CYYR1: variants seen among roughly 807,000 people sequenced by gnomAD.
CYYR1 encodes the protein cysteine and tyrosine-rich protein 1.
A neutral mutation model predicts 15.2 loss-of-function variants in CYYR1; 14 were observed. The ratio of observed to expected loss-of-function variants is 0.92; its 90% confidence interval spans 0.61 to 1.44. The LOEUF is 1.44. CYYR1 is among the 40% of genes most tolerant of loss of function. The pLI, the probability that CYYR1 is intolerant of heterozygous loss-of-function variation, is 0.00. For missense variants in CYYR1, 228 were observed against 209.5 expected (o/e 1.09, Z -0.54); for synonymous variants, 80 against 77.4 (o/e 1.03, Z -0.18).
intron 2 of CYYR1, among the ~76,000 whole-genome samples, chr21:26,486,849 G>A (rs908567759): frequency 5.3e-5 from 8 of 151,796 alleles, no homozygotes; most frequent in African/African-American, 1.9e-4. Flanking sequence ...ATCTTGATGT[G>A]GTTTTACTAT....
chr21:26,526,222 T>C lies in CYYR1; in HGVS notation c.176+40044A>G, dbSNP rs147888907. ...TAGCACTTTGGGAGGCAAAGGTGGGTGGACCACTTAAGGTCAGGAGTTCGA... is the reference window on the plus strand; with the variant it reads ...TAGCACTTTGGGAGGCAAAGGTGGGCGGACCACTTAAGGTCAGGAGTTCGA... On this transcript the variant is annotated intron_variant, in intron 2 of 3. Coordinates refer to ENST00000652641, the MANE Select transcript of CYYR1 (RefSeq NM_001320768.2). Among the ~76,000 whole-genome samples the C allele has an allele frequency of 5.8e-3, 885 of 152,206 alleles. 8 individuals are homozygous for C. Among genetic ancestry groups the C allele is most frequent in the Non-Finnish European group, 8.3e-3 (562 of 67,998 alleles).
At chr21:26,532,064 GA>G (rs1035722160) in intron 2 of CYYR1, among the ~76,000 whole-genome samples, 1 of 151,890 alleles carries the variant, frequency 6.6e-6, no homozygotes, top group African/African-American at 2.4e-5. Flanking sequence ...TGTAAAGCGA[GA>G]AAAAAAGAAT....
At chr21:26,508,088 C>T (rs1253669864) in intron 2 of CYYR1, among the ~76,000 whole-genome samples, 1 of 152,086 alleles carries the variant, frequency 6.6e-6, no homozygotes, top group Admixed American at 6.6e-5. Context: ...AGGCTGAAAG[C>T]AAGAGAAAGT....
At chr21:26,479,074 A>G (rs1316681483) in intron 3 of CYYR1, among the ~76,000 whole-genome samples, 1 of 152,138 alleles carries the variant, frequency 6.6e-6, no homozygotes, top group East Asian at 1.9e-4. Context: ...CTGGAGATAC[A>G]TGGGAGGCAT....
chr21:26,536,703 C>T (rs1434080665), intron 2 of CYYR1, among the ~76,000 whole-genome samples: 1 of 152,082 alleles, frequency 6.6e-6, no homozygotes, highest in Non-Finnish European at 1.5e-5. Context: ...CCTGAGACAC[C>T]GGATTGGAAA....
intron 2 of CYYR1, among the ~76,000 whole-genome samples, chr21:26,492,904 G>A (rs1385583968): frequency 2.6e-5 from 4 of 151,984 alleles, no homozygotes; most frequent in East Asian, 1.9e-4. Context: ...CAGAGAGGAC[G>A]GCATCTATCA....
intron 3 of CYYR1, among the ~76,000 whole-genome samples, chr21:26,475,170 AC>A (rs1247011348): frequency 6.6e-6 from 1 of 152,110 alleles, no homozygotes; most frequent in Non-Finnish European, 1.5e-5. Flanking sequence ...TAGACATTTC[AC>A]ACTCTTCATT....
chr21:26,567,887 T>C (rs971009244), intron 1 of CYYR1: 2 of 152,360 alleles, frequency 1.3e-5, no homozygotes, highest in Admixed American at 1.3e-4. Context: ...TTAACAATTA[T>C]GCGTGGCTTT....
In CYYR1 at chr21:26,518,872, G is replaced by A. The variant is rs184695550; in HGVS notation, c.177-38443C>T. Among the ~76,000 whole-genome samples the A allele has an allele frequency of 3.9e-5, 6 of 152,290 alleles. 1 individual carries two copies. The highest frequency in any genetic ancestry group is 1.4e-4 in the African/African-American group (6 of 41,544). On this transcript the variant is annotated intron_variant, in intron 2 of 3. Coordinates refer to ENST00000652641, the MANE Select transcript of CYYR1 (RefSeq NM_001320768.2). ...TCACAATGAGTTCTGAAATTAGGCAGTAATTTACATTTTTGGAGTATCACT... is the reference window on the plus strand; with the variant it reads ...TCACAATGAGTTCTGAAATTAGGCAATAATTTACATTTTTGGAGTATCACT...
At chr21:26,567,542 G>A (rs1028999008) in intron 1 of CYYR1, among the ~76,000 whole-genome samples, 6 of 151,998 alleles carry the variant, frequency 3.9e-5, no homozygotes, top group Non-Finnish European at 8.8e-5. Context: ...TGACTTAGTC[G>A]TATAAGTTAT....
chr21:26,517,273 G>A (rs554911867), intron 2 of CYYR1, among the ~76,000 whole-genome samples: 1 of 152,162 alleles, frequency 6.6e-6, no homozygotes, highest in African/African-American at 2.4e-5. Context: ...AGTCAAGCCT[G>A]TCCTTCTGCA....
chr21:26,481,820 A>T (rs1187203112), intron 2 of CYYR1, among the ~76,000 whole-genome samples: 2 of 152,004 alleles, frequency 1.3e-5, no homozygotes, highest in African/African-American at 4.8e-5. Context: ...ATTAGTATTG[A>T]TAGTAATTAG....
chr21:26,469,869 A>C (rs2065013757), intron 3 of CYYR1, among the ~76,000 whole-genome samples: 2 of 152,122 alleles, frequency 1.3e-5, no homozygotes, highest in Admixed American at 6.6e-5. Flanking sequence ...TAGTGGTTTC[A>C]GTTCCTTTCT....
intron 1 of CYYR1, among the ~76,000 whole-genome samples, chr21:26,571,178 C>T (rs187163978): frequency 4.6e-5 from 7 of 152,324 alleles, no homozygotes; most frequent in Middle Eastern, 3.4e-3. Context: ...CAACATACCT[C>T]ACTCAGTAAG....
chr21:26,532,430 G>T (rs2065943960), intron 2 of CYYR1, among the ~76,000 whole-genome samples: 1 of 152,126 alleles, frequency 6.6e-6, no homozygotes, highest in African/African-American at 2.4e-5. Flanking sequence ...GACGCTGGAG[G>T]AAACATTTTA....
At position 26,466,983 on chromosome 21, in the gene CYYR1, G is replaced by A. The variant is rs1031661497; in HGVS notation, c.*1518C>T. On this transcript the variant is annotated 3_prime_UTR_variant, in exon 4 of 4. Coordinates refer to ENST00000652641, the MANE Select transcript of CYYR1 (RefSeq NM_001320768.2). ...ATATAGGTATTTGAAAGTAATATAT[G>A]CTACTTATAATAATGATATAGTAAG... 1 of 152,092 alleles carries A rather than the reference G, an allele frequency of 6.6e-6. No individual in the cohort carries two copies. The highest frequency in any genetic ancestry group is 2.4e-5 in the African/African-American group (1 of 41,420). The allele number at this position is 152,092 out of a possible 1,614,324, so 9.4% of individuals were successfully genotyped here. A position where few individuals can be genotyped will look rare whatever the true frequency, so the allele number is the denominator to read the frequency against.
At chr21:26,568,956 A>C (rs1756625441) in intron 1 of CYYR1, 1 of 152,214 alleles carries the variant, frequency 6.6e-6, no homozygotes, top group African/African-American at 2.4e-5. Flanking sequence ...GCCTGTGGAG[A>C]AAAGGGAATA....
intron 2 of CYYR1, among the ~76,000 whole-genome samples, chr21:26,506,916 T>C (rs2065574370): frequency 6.6e-6 from 1 of 152,048 alleles, no homozygotes; most frequent in Non-Finnish European, 1.5e-5. Context: ...ACAGAGAAAG[T>C]AGAAAAATCC....
intron 2 of CYYR1, among the ~76,000 whole-genome samples, chr21:26,563,250 C>A (rs1601836289): frequency 1.3e-5 from 2 of 151,824 alleles, no homozygotes; most frequent in South Asian, 2.1e-4. Context: ...TGCCAAAATT[C>A]ACTCATATTT....
Sources: gnomAD v4.1 joint callset for allele counts (sites outside exome capture counted in the v4.1 genomes callset) on GRCh38, gnomAD v4.1.1 for gene constraint, MANE v1.5 for transcripts, NCBI Gene and HGNC (gene_info 2026-07-23, HGNC 2026-07-21) for gene names.